The following SPRED2 variants were observed in gnomAD, a reference collection of about 807,000 sequenced individuals.
SPRED2 encodes sprouty related EVH1 domain containing 2.
SPRED2 carries 47 observed loss-of-function variants against 43.0 expected under a neutral mutation model. That is an observed-to-expected ratio of 1.09 (90% CI 0.87 to 1.40). The LOEUF (loss-of-function observed/expected upper bound fraction) is 1.40. Ranked by LOEUF, SPRED2 falls within the 40% of genes most tolerant of loss-of-function variation. SPRED2 has a pLI of 0.00. For synonymous variants in SPRED2, 225 were observed against 225.7 expected (o/e 1.00, Z 0.03); for missense variants, 561 against 586.4 (o/e 0.96, Z 0.45).
chr2:65,382,967 C>T (rs1675407021), intron 1 of SPRED2, among the ~76,000 whole-genome samples: 1 of 152,162 alleles, frequency 6.6e-6, no homozygotes, highest in Non-Finnish European at 1.5e-5. Context: ...TGTGGCATCC[C>T]AGCCCCACCT....
chr2:65,347,242 A>G (rs960829357), intron 1 of SPRED2, among the ~76,000 whole-genome samples: 5 of 151,740 alleles, frequency 3.3e-5, no homozygotes, highest in Admixed American at 6.6e-5. Context: ...GCTTGTTGCC[A>G]TTGCCTGGCA....
At chr2:65,391,857 T>C (rs2103687518) in intron 1 of SPRED2, among the ~76,000 whole-genome samples, 1 of 152,354 alleles carries the variant, frequency 6.6e-6, no homozygotes, top group South Asian at 2.1e-4. Flanking sequence ...TTTCTGGTAA[T>C]AATAACAGTT....
At chr2:65,356,268 A>T (rs186804310) in intron 1 of SPRED2, among the ~76,000 whole-genome samples, 2 of 152,344 alleles carry the variant, frequency 1.3e-5, no homozygotes, top group Admixed American at 1.3e-4. Flanking sequence ...ATGGAGATAG[A>T]TGGATAGATA....
At chr2:65,309,799 T>C (rs2104084325), downstream of SPRED2, among the ~76,000 whole-genome samples, 1 of 152,282 alleles carries the variant, frequency 6.6e-6, no homozygotes, top group East Asian at 1.9e-4. Context: ...TGAGGCAGCC[T>C]GAGGGCGCCC....
intron 1 of SPRED2, among the ~76,000 whole-genome samples, chr2:65,417,936 G>A (rs1438066580): frequency 6.6e-6 from 1 of 152,190 alleles, no homozygotes; most frequent in Non-Finnish European, 1.5e-5. Flanking sequence ...CTTCACTTGG[G>A]TTAATTCTAG....
chr2:65,403,684 A>G (rs1287496342), intron 1 of SPRED2, among the ~76,000 whole-genome samples: 1 of 152,176 alleles, frequency 6.6e-6, no homozygotes, highest in Non-Finnish European at 1.5e-5. Flanking sequence ...AAAGCTGAAG[A>G]AAAAAGCACC....
intron 4 of SPRED2, among the ~76,000 whole-genome samples, chr2:65,330,194 G>C (rs1040607032): frequency 1.3e-5 from 2 of 152,196 alleles, no homozygotes; most frequent in Non-Finnish European, 2.9e-5. Flanking sequence ...TTGAGGGTTG[G>C]AGCCATGGCT....
At chr2:65,343,777 T>C (rs1674256438) in intron 2 of SPRED2, among the ~76,000 whole-genome samples, 1 of 152,198 alleles carries the variant, frequency 6.6e-6, no homozygotes, top group Non-Finnish European at 1.5e-5. Context: ...CCATATATTA[T>C]GAAGTGTCAA....
Position 65,311,037 on chromosome 2 carries a change from C to G in SPRED2, c.*2464G>C. ...TCAATACAACAGGGTTTTTAGTATACAGGTAAAGAATGAATTATGCTTCAG... is the reference window on the plus strand; with the variant it reads ...TCAATACAACAGGGTTTTTAGTATAGAGGTAAAGAATGAATTATGCTTCAG... On this transcript the variant is annotated 3_prime_UTR_variant, in exon 6 of 6. Transcript: ENST00000356388. The G allele has an allele frequency of 1.0e-6, 1 of 985,220 alleles. No individual in the cohort carries two copies. Among genetic ancestry groups the G allele is most frequent in the South Asian group, 4.7e-5 (1 of 21,266 alleles). The allele number at this position is 985,220 out of a possible 1,614,324, so 61.0% of individuals were successfully genotyped here. A position where few individuals can be genotyped will look rare whatever the true frequency, so the allele number is the denominator to read the frequency against.
chr2:65,409,471 A>G (rs1176358165), intron 1 of SPRED2, among the ~76,000 whole-genome samples: 4 of 152,240 alleles, frequency 2.6e-5, no homozygotes, highest in African/African-American at 7.2e-5. Context: ...TTAAAATTAC[A>G]TATGTGGCCT....
At position 65,366,690 on chromosome 2, in the gene SPRED2, C is replaced by T. The variant is rs190536304; in HGVS notation, c.27-21794G>A. 322 of 1,535,914 alleles carry T rather than the reference C, an allele frequency of 2.1e-4. 1 individual carries two copies. The highest frequency in any genetic ancestry group is 1.7e-4 in the Middle Eastern group (1 of 5,906). On this transcript the variant is annotated intron_variant, in intron 1 of 5. Coordinates refer to ENST00000356388, the MANE Select transcript of SPRED2 (RefSeq NM_181784.3). ...TCCGATAAAAATGGATCGTCTCTTG[C>T]TGACCTGAGAACCAGCTGGCTGCCT...
chr2:65,329,447 C>T (rs1240116280), intron 4 of SPRED2, among the ~76,000 whole-genome samples: 1 of 152,144 alleles, frequency 6.6e-6, no homozygotes, highest in African/African-American at 2.4e-5. Context: ...GGCAATTGAT[C>T]GCAGACACCA....
At chr2:65,337,820 A>G (rs1208612445) in intron 2 of SPRED2, among the ~76,000 whole-genome samples, 7 of 152,204 alleles carry the variant, frequency 4.6e-5, no homozygotes, top group Admixed American at 4.6e-4. Flanking sequence ...TGCAATTTAC[A>G]TCCTTATCTA....
chr2:65,368,179 C>T (rs1212289385), intron 1 of SPRED2, among the ~76,000 whole-genome samples: 1 of 152,182 alleles, frequency 6.6e-6, no homozygotes, highest in Admixed American at 6.5e-5. Context: ...GAGGTTCACA[C>T]CTCAGCAAAC....
chr2:65,340,645 T>C (rs1674148724), intron 2 of SPRED2, among the ~76,000 whole-genome samples: 1 of 152,230 alleles, frequency 6.6e-6, no homozygotes, highest in Admixed American at 6.5e-5. Flanking sequence ...ACCAAAAAAT[T>C]ACCTGACTAC....
intron 5 of SPRED2, among the ~76,000 whole-genome samples, chr2:65,314,580 C>CGGCTA (rs1461189948): frequency 6.6e-6 from 1 of 152,214 alleles, no homozygotes; most frequent in African/African-American, 2.4e-5. Context: ...CAGGGATCTC[C>CGGCTA]TAGCCCCAGT....
At chr2:65,418,079 G>T (rs1253497244) in intron 1 of SPRED2, among the ~76,000 whole-genome samples, 1 of 152,128 alleles carries the variant, frequency 6.6e-6, no homozygotes, top group African/African-American at 2.4e-5. Context: ...TTTAACTAAA[G>T]TCAGAGAGAA....
chr2:65,328,976 TAAG>T (rs926075432), intron 4 of SPRED2, among the ~76,000 whole-genome samples: 1 of 152,218 alleles, frequency 6.6e-6, no homozygotes, highest in East Asian at 1.9e-4. Flanking sequence ...TTTTTCCACT[TAAG>T]AATGAAAAGA....
rs575259181 is a variant in SPRED2 at position 65,401,234 on chromosome 2, C to T, written c.26+30728G>A. 2.0e-3 allele frequency among the ~76,000 whole-genome samples: 309 copies of T among 152,000 alleles called. 1 individual carries two copies. Among genetic ancestry groups the T allele is most frequent in the Non-Finnish European group, 2.5e-3 (170 of 67,950 alleles). ...CAAGTGATCCACCCGCCTCAGCCTC[C>T]CAAAGTGCTGAGATTACAGGTGTGA... is the stretch of plus-strand genomic sequence containing the variant. On this transcript the variant is annotated intron_variant, in intron 1 of 5. Transcript: ENST00000356388.
Sources: allele counts gnomAD v4.1 joint callset (sites outside exome capture counted in the v4.1 genomes callset), GRCh38; gene constraint gnomAD v4.1.1; transcripts MANE v1.5; gene names NCBI Gene and HGNC (gene_info 2026-07-23, HGNC 2026-07-21).